The following SPATA16 variants were observed in gnomAD, a reference collection of about 807,000 sequenced individuals.
SPATA16 encodes spermatogenesis-associated protein 16.
A neutral mutation model predicts 63.3 loss-of-function variants in SPATA16; 36 were observed. The ratio of observed to expected loss-of-function variants is 0.57; its 90% confidence interval spans 0.44 to 0.75. The LOEUF (loss-of-function observed/expected upper bound fraction) is 0.75. Among genes scored for constraint, SPATA16 ranks in the 30% least tolerant of loss-of-function variants. The pLI is 0.00. For synonymous variants in SPATA16, 203 were observed against 216.7 expected (o/e 0.94, Z 0.56); for missense variants, 646 against 679.3 (o/e 0.95, Z 0.54).
intron 2 of SPATA16, among the ~76,000 whole-genome samples, chr3:173,088,917 C>T (rs768983313): frequency 1.3e-5 from 2 of 152,122 alleles, no homozygotes; most frequent in African/African-American, 2.4e-5. Context: ...ATAAACAGAG[C>T]ATGGAATATT....
At chr3:172,960,578 A>T (rs1238596991) in intron 5 of SPATA16, among the ~76,000 whole-genome samples, 1 of 152,218 alleles carries the variant, frequency 6.6e-6, no homozygotes, top group Non-Finnish European at 1.5e-5. Flanking sequence ...GTAGCTAAGT[A>T]AAAAGAACCC....
chr3:173,011,613 T>C (rs960131935), intron 4 of SPATA16, among the ~76,000 whole-genome samples: 1 of 152,020 alleles, frequency 6.6e-6, no homozygotes, highest in African/African-American at 2.4e-5. Flanking sequence ...CCGGCAAACT[T>C]AGGCAAAAGA....
chr3:173,052,913 A>C (rs917340221), intron 2 of SPATA16, among the ~76,000 whole-genome samples: 1 of 152,190 alleles, frequency 6.6e-6, no homozygotes, highest in Non-Finnish European at 1.5e-5. Flanking sequence ...GGAAAAATTA[A>C]GTTAGGAGTT....
intron 4 of SPATA16, among the ~76,000 whole-genome samples, chr3:173,001,926 T>C (rs77064375): frequency 6.6e-6 from 1 of 152,316 alleles, no homozygotes; most frequent in East Asian, 1.9e-4. Context: ...CCTGCAATAA[T>C]TATTACTGTG....
intron 2 of SPATA16, among the ~76,000 whole-genome samples, chr3:173,111,073 C>A (rs1321077407): frequency 6.6e-6 from 1 of 152,180 alleles, no homozygotes; most frequent in Non-Finnish European, 1.5e-5. Flanking sequence ...AATCAGGGGA[C>A]CTGAATTCCA....
intron 1 of SPATA16, among the ~76,000 whole-genome samples, chr3:173,121,439 T>G (rs1738070524): frequency 6.6e-6 from 1 of 152,192 alleles, no homozygotes; most frequent in Admixed American, 6.5e-5. Flanking sequence ...GTCTGTCAAC[T>G]AAGAATTCCC....
chr3:172,892,282 G>A (rs1731908510), intron 10 of SPATA16, among the ~76,000 whole-genome samples: 1 of 152,176 alleles, frequency 6.6e-6, no homozygotes, highest in South Asian at 2.1e-4. Flanking sequence ...CTGCTCTCGG[G>A]TTGGCTTCTA....
intron 2 of SPATA16, among the ~76,000 whole-genome samples, chr3:173,103,264 C>G (rs1018401305): frequency 6.6e-6 from 1 of 152,134 alleles, no homozygotes; most frequent in East Asian, 1.9e-4. Flanking sequence ...AGGTGGTGGC[C>G]CCCTTTCCAT....
At chr3:172,891,602 C>T (rs1577079285) in intron 10 of SPATA16, among the ~76,000 whole-genome samples, 2 of 152,256 alleles carry the variant, frequency 1.3e-5, no homozygotes, top group Middle Eastern at 6.8e-3. Context: ...TTTCTAAACC[C>T]TTAACATGGT....
Position 173,101,141 on chromosome 3 carries a change from T to C in SPATA16, c.612+15979A>G, listed in dbSNP as rs936896545. ...CTTCAGGCTAGGGCTTGCTGAGCTTTGAAGAAGACTTCCAGTGCAAGTGGA... is the reference window on the plus strand; with the variant it reads ...CTTCAGGCTAGGGCTTGCTGAGCTTCGAAGAAGACTTCCAGTGCAAGTGGA... On this transcript the variant is annotated intron_variant, in intron 2 of 10. Coordinates refer to ENST00000351008, the MANE Select transcript of SPATA16 (RefSeq NM_031955.6). Among the ~76,000 whole-genome samples the C allele has an allele frequency of 2.0e-5, 3 of 152,272 alleles. No individual in the cohort carries two copies. The South Asian group carries it at 6.2e-4, about 32-fold the overall frequency.
At chr3:173,023,733 G>A (rs1735388837) in intron 3 of SPATA16, among the ~76,000 whole-genome samples, 1 of 151,028 alleles carries the variant, frequency 6.6e-6, no homozygotes, top group Non-Finnish European at 1.5e-5. Context: ...CTAATTACTT[G>A]TAATATTTTA....
intron 4 of SPATA16, among the ~76,000 whole-genome samples, chr3:173,011,716 T>A (rs1394696635): frequency 1.3e-5 from 2 of 152,208 alleles, no homozygotes; most frequent in Non-Finnish European, 2.9e-5. Context: ...TACCAAAAGC[T>A]CCTAGAACTG....
chr3:173,022,060 G>A (rs1032428061), intron 3 of SPATA16, among the ~76,000 whole-genome samples: 1 of 151,942 alleles, frequency 6.6e-6, no homozygotes. Flanking sequence ...AAGAGAGAGA[G>A]GAGAGAGAAG....
At chr3:173,056,576 C>T (rs1405288231) in intron 2 of SPATA16, among the ~76,000 whole-genome samples, 21 of 151,736 alleles carry the variant, frequency 1.4e-4, no homozygotes, top group Admixed American at 1.4e-3. Flanking sequence ...TGGTGGCGGG[C>T]CCCTGTAACC....
At chr3:173,026,028 A>G (rs888851006) in intron 3 of SPATA16, among the ~76,000 whole-genome samples, 1 of 151,974 alleles carries the variant, frequency 6.6e-6, no homozygotes, top group Non-Finnish European at 1.5e-5. Flanking sequence ...ACTATCCTGC[A>G]TTCTCTCCAG....
chr3:173,005,629 G>C (rs906081690), intron 4 of SPATA16, among the ~76,000 whole-genome samples: 1 of 152,106 alleles, frequency 6.6e-6, no homozygotes, highest in Non-Finnish European at 1.5e-5. Context: ...CAAATTCATA[G>C]CATATCATTC....
intron 8 of SPATA16, among the ~76,000 whole-genome samples, chr3:172,918,324 A>G (rs1732541675): frequency 6.6e-6 from 1 of 152,220 alleles, no homozygotes; most frequent in South Asian, 2.1e-4. Context: ...GCTCAGGAAC[A>G]TAATCTGTCA....
chr3:173,028,035 C>T lies in SPATA16; in HGVS notation c.759-8460G>A, dbSNP rs374903056. On this transcript the variant is annotated intron_variant, in intron 3 of 10. Transcript: ENST00000351008. ...CCTCCCTTCCTTCTTTCCTTCCTTC[C>T]TTCCTTCCTTCCTTCCTTCCTTCCT... Among the ~76,000 whole-genome samples, 331 of 93,700 alleles carry T rather than the reference C, an allele frequency of 3.5e-3. 12 individuals carry two copies. Among genetic ancestry groups the T allele is most frequent in the African/African-American group, 7.3e-3 (159 of 21,836 alleles). 61.5% of individuals were successfully genotyped at this position (93,700 alleles called of 152,430 possible).
At chr3:172,947,398 A>T (rs761658945) in intron 6 of SPATA16, among the ~76,000 whole-genome samples, 61 of 149,314 alleles carry the variant, frequency 4.1e-4, no homozygotes, top group East Asian at 1.9e-4. Flanking sequence ...GGCACCAGGG[A>T]ACCCACCTTG....
Sources: allele counts gnomAD v4.1 joint callset (sites outside exome capture counted in the v4.1 genomes callset), GRCh38; gene constraint gnomAD v4.1.1; transcripts MANE v1.5; gene names NCBI Gene and HGNC (gene_info 2026-07-23, HGNC 2026-07-21).